BZW2: variants seen among roughly 807,000 people sequenced by gnomAD.
BZW2 encodes eIF5-mimic protein 1.
BZW2 carries 23 observed loss-of-function variants against 53.2 expected under a neutral mutation model. The ratio of observed to expected loss-of-function variants is 0.43; its 90% CI spans 0.31 to 0.61. The LOEUF (loss-of-function observed/expected upper bound fraction) is 0.61, where lower values mean the gene tolerates loss of function less well. BZW2 is among the 20% of genes least tolerant of loss of function. The probability of loss-of-function intolerance (pLI) is 0.09; values close to 1 mark genes in which losing one functional copy is unlikely to be tolerated. For missense variants in BZW2, 409 were observed against 503.1 expected, an observed-to-expected ratio of 0.81 and a Z score of 1.79; for synonymous variants, 227 against 186.4, an observed-to-expected ratio of 1.22 and a Z score of -1.77.
chr7:16,700,289 C>T (rs1267312951), intron 10 of BZW2, among the ~76,000 whole-genome samples: 2 of 152,158 alleles, frequency 1.3e-5, no homozygotes, highest in East Asian at 3.9e-4. Flanking sequence ...AATGATTGTT[C>T]CATACCACCG....
chr7:16,668,657 C>A (rs1200614268), intron 2 of BZW2, among the ~76,000 whole-genome samples: 1 of 152,178 alleles, frequency 6.6e-6, no homozygotes, highest in African/African-American at 2.4e-5. Flanking sequence ...TTTCAAGGTC[C>A]TTGTGATAGG....
intron 6 of BZW2, chr7:16,687,191 G>A (rs191863239): frequency 1.1e-4 from 17 of 151,932 alleles, no homozygotes; most frequent in African/African-American, 3.6e-4. Flanking sequence ...AAGCAAATAC[G>A]GCAAAATATT....
intron 1 of BZW2, among the ~76,000 whole-genome samples, chr7:16,659,538 T>C (rs988225832): frequency 2.0e-5 from 3 of 152,322 alleles, no homozygotes; most frequent in Admixed American, 6.5e-5. Context: ...AAAAGATTCC[T>C]AGATTCCTTT....
intron 2 of BZW2, among the ~76,000 whole-genome samples, chr7:16,667,305 C>T (rs923640377): frequency 3.9e-4 from 55 of 142,848 alleles, no homozygotes; most frequent in African/African-American, 1.3e-3. Context: ...AAAAAAAAAA[C>T]GCTGAACTGG....
chr7:16,697,197 C>G, intron 9 of BZW2, 136 bp downstream of exon 9: 1 of 1,017,186 alleles, frequency 9.8e-7, no homozygotes, highest in Non-Finnish European at 1.4e-6. Flanking sequence ...TCAAGCCACC[C>G]TCCCTCCTCA....
At chr7:16,681,739 G>A (rs1782952391) in intron 4 of BZW2, among the ~76,000 whole-genome samples, 1 of 152,178 alleles carries the variant, frequency 6.6e-6, no homozygotes, top group Admixed American at 6.5e-5. Context: ...GGCTGAGGCA[G>A]GAGGATCACT....
At chr7:16,694,110 C>T (rs971890196) in intron 7 of BZW2, among the ~76,000 whole-genome samples, 4 of 152,162 alleles carry the variant, frequency 2.6e-5, no homozygotes, top group African/African-American at 9.7e-5. Context: ...TAGATCATGA[C>T]TAAGTGTTAC....
At chr7:16,693,639 T>G (rs11982578) in intron 7 of BZW2, among the ~76,000 whole-genome samples, 1 of 152,182 alleles carries the variant, frequency 6.6e-6, no homozygotes, top group African/African-American at 2.4e-5. Context: ...AAAGTGCCAG[T>G]ACATTTTGAT....
chr7:16,698,063 C>G lies in BZW2; in HGVS notation c.985C>G (p.Leu329Val), dbSNP rs1783557507. The change falls in exon 10 of 12, where the codon CTG becomes GTG. Residue 329 changes from leucine to valine, a missense_variant. Physicochemically the swap from Leu to Val is conservative, Grantham distance 32. Around this residue, in one of 3 missense-constraint regions of BZW2, gnomAD observed 88 missense variants for 114.6 expected, o/e 0.77. Coordinates refer to ENST00000258761, the MANE Select transcript of BZW2 (RefSeq NM_014038.3). ...LKHLKQYAPL[L>V]AVFSSQGQSE... ...TCTGTTCTAGCAATATGCTCCCCTG[C>G]TGGCCGTGTTCAGCTCCCAAGGCCA... 1 of 1,614,154 alleles carries G rather than the reference C, an allele frequency of 6.2e-7. No homozygotes were observed. Among genetic ancestry groups the G allele is most frequent in the Admixed American group, 1.7e-5 (1 of 60,030 alleles).
chr7:16,694,958 A>T lies in BZW2; in HGVS notation c.776A>T (p.Gln259Leu). ...QQSLGTRKEL[Q>L]KELQERLSQE... The stretch of plus-strand genomic sequence containing the variant: ...TCCCTGGGCACCAGGAAGGAACTGC[A>T]GAAGGAGCTCCAGGAGCGTCTTTCT... The change falls in exon 8 of 12, where the codon CAG (glutamine) becomes CTG (leucine). Residue 259 changes from glutamine (Q) to leucine (L), a missense_variant. Coordinates refer to ENST00000258761, the MANE Select transcript of BZW2 (RefSeq NM_014038.3). 2 of 1,596,988 alleles carry T rather than the reference A, an allele frequency of 1.3e-6. No homozygotes were observed. The highest frequency in any genetic ancestry group is 2.2e-5 in the South Asian group (2 of 89,822).
intron 1 of BZW2, among the ~76,000 whole-genome samples, chr7:16,647,543 G>C (rs1781897600): frequency 6.6e-6 from 1 of 152,160 alleles, no homozygotes; most frequent in Non-Finnish European, 1.5e-5. Context: ...CAGCATTAAA[G>C]ACTGGGACAG....
intron 5 of BZW2, among the ~76,000 whole-genome samples, chr7:16,683,333 A>G (rs12113455): frequency 0.21 from 31,531 of 152,210 alleles, 3,406 homozygotes; most frequent in East Asian, 0.38. Context: ...ATTAGCTAAT[A>G]GCTATAGGAA....
Position 16,706,345 on chromosome 7 carries a change from A to G in BZW2, c.*257A>G, listed in dbSNP as rs1783857842. 9.7e-6 allele frequency: 4 copies of G among 414,412 alleles called. No homozygotes were observed. The highest frequency in any genetic ancestry group is 1.7e-5 in the Non-Finnish European group (4 of 232,880). 25.7% of individuals were successfully genotyped at this position (414,412 alleles called of 1,614,324 possible). The stretch of plus-strand genomic sequence containing the variant: ...CTTAAAGCCATTCAACAAGGAGTCA[A>G]GTAGATCTGAAATTAAATACTCAAC... On this transcript the variant is annotated 3_prime_UTR_variant, in exon 12 of 12. Transcript: ENST00000258761.
chr7:16,679,852 G>C (rs183360416), intron 3 of BZW2, among the ~76,000 whole-genome samples: 27 of 152,160 alleles, frequency 1.8e-4, no homozygotes, highest in African/African-American at 6.5e-4. Context: ...TAATTACAAC[G>C]AAGTAAAATT....
chr7:16,691,186 A>G (rs976988646), intron 7 of BZW2, among the ~76,000 whole-genome samples: 3 of 152,184 alleles, frequency 2.0e-5, no homozygotes, highest in African/African-American at 7.2e-5. Context: ...AATAATTTTC[A>G]TTCCTCATGT....
rs1463453266 is a variant in BZW2, at chr7:16,694,748, T to C, written c.652-86T>C. ...ATTCTTTTCTTCCAAATGTGAGATA[T>C]TCTAAGTGAAATGAAGACTTTTGTC... On this transcript the variant is annotated intron_variant, in intron 7 of 11. Transcript: ENST00000258761. 1.1e-5 allele frequency: 12 copies of C among 1,106,528 alleles called. No homozygotes were observed. The African/African-American group carries it at 1.7e-4, about 16-fold the overall frequency. 68.5% of individuals were successfully genotyped at this position (1,106,528 alleles called of 1,614,324 possible).
intron 7 of BZW2, among the ~76,000 whole-genome samples, chr7:16,690,785 A>G (rs1318587299): frequency 6.6e-6 from 1 of 152,178 alleles, no homozygotes; most frequent in Non-Finnish European, 1.5e-5. Context: ...CCAGAAAAAT[A>G]TTTTGTTCTT....
rs569113992 is a variant in BZW2 at position 16,660,901 on chromosome 7, T to C, written c.-7-4536T>C. 1.0e-3 allele frequency among the ~76,000 whole-genome samples: 154 copies of C among 152,274 alleles called. 2 individuals carry two copies. Among genetic ancestry groups the C allele is most frequent in the South Asian group, 2.3e-3 (11 of 4,830 alleles). Reference sequence around the variant, plus strand: ...CACTTGTTGTGTTAATATGAAGTTTTACTGGAATACAGCCATGACCATTTG... The same window carrying C: ...CACTTGTTGTGTTAATATGAAGTTTCACTGGAATACAGCCATGACCATTTG... On this transcript the variant is annotated intron_variant, in intron 1 of 11. Coordinates refer to ENST00000258761, the MANE Select transcript of BZW2 (RefSeq NM_014038.3).
At chr7:16,692,192 A>T (rs1260741216) in intron 7 of BZW2, among the ~76,000 whole-genome samples, 2 of 152,172 alleles carry the variant, frequency 1.3e-5, no homozygotes, top group African/African-American at 4.8e-5. Context: ...CAGAAGAAAG[A>T]GCAATTTATA....
Sources: gnomAD v4.1 joint callset for allele counts (sites outside exome capture counted in the v4.1 genomes callset) on GRCh38, gnomAD v4.1.1 for gene constraint, gnomAD v4.1.1 regional missense constraint, MANE v1.5 for transcripts, NCBI Gene and HGNC (gene_info 2026-07-23, HGNC 2026-07-21) for gene names.